The following AVEN variants were observed in gnomAD, a reference collection of about 807,000 sequenced individuals.
The protein encoded by AVEN is cell death regulator Aven.
In AVEN, 41 loss-of-function variants were observed where a neutral mutation model predicts 38.1. That is an observed-to-expected ratio of 1.08 (90% CI 0.84 to 1.40). AVEN has a LOEUF of 1.40. Among genes scored for constraint, AVEN ranks in the 40% most tolerant of loss-of-function variants. AVEN has a pLI of 0.00. For synonymous variants in AVEN, 206 were observed against 171.8 expected, an observed-to-expected ratio of 1.20 and a Z score of -1.56; for missense variants, 605 against 438.8, an observed-to-expected ratio of 1.38 and a Z score of -3.38.
intron 2 of AVEN, among the ~76,000 whole-genome samples, chr15:33,999,927 C>A (rs71462883): frequency 0.15 from 22,982 of 152,208 alleles, 2,166 homozygotes; most frequent in Middle Eastern, 0.28. Flanking sequence ...AACATCTTTA[C>A]AATGGTCTAC....
chr15:33,865,570 T>G (rs553433180), downstream of AVEN: 2 of 212,726 alleles, frequency 9.4e-6, no homozygotes, highest in East Asian at 1.1e-4. Flanking sequence ...ATCTCGAATG[T>G]GTAATACCTG....
downstream of AVEN, among the ~76,000 whole-genome samples, chr15:33,863,881 GCAAGTGATCTTAC>G (rs1889447451): frequency 6.6e-6 from 1 of 152,172 alleles, no homozygotes; most frequent in Non-Finnish European, 1.5e-5. Context: ...ATGCTACCTT[GCAAGTGATCTTAC>G]TTAGTTCAAG....
intron 1 of AVEN, among the ~76,000 whole-genome samples, chr15:34,038,272 T>G (rs1045625447): frequency 2.0e-5 from 3 of 152,152 alleles, no homozygotes; most frequent in South Asian, 2.1e-4. Context: ...ATTCTTTCAC[T>G]CAACAAACTT....
intron 1 of AVEN, among the ~76,000 whole-genome samples, chr15:34,020,470 T>C (rs1340557550): frequency 6.6e-6 from 1 of 152,234 alleles, no homozygotes; most frequent in Non-Finnish European, 1.5e-5. Context: ...TTAAAGCATG[T>C]AGATCATCTG....
At chr15:33,986,357 C>G (rs911919098) in intron 2 of AVEN, among the ~76,000 whole-genome samples, 4 of 151,992 alleles carry the variant, frequency 2.6e-5, no homozygotes, top group African/African-American at 9.7e-5. Flanking sequence ...GATCCACCCA[C>G]CTCGGCCTCC....
At chr15:33,976,599 A>C (rs192873540) in intron 2 of AVEN, among the ~76,000 whole-genome samples, 1 of 152,204 alleles carries the variant, frequency 6.6e-6, no homozygotes, top group South Asian at 2.1e-4. Flanking sequence ...TAAAATTTAT[A>C]TATCTTTATT....
chr15:33,897,858 G>A (rs778074790), intron 2 of AVEN, among the ~76,000 whole-genome samples: 16 of 151,774 alleles, frequency 1.1e-4, no homozygotes, highest in Non-Finnish European at 2.4e-4. Context: ...CTCCAGCCTG[G>A]GTGACAAAGA....
chr15:33,922,389 C>A (rs1213504212), intron 2 of AVEN, among the ~76,000 whole-genome samples: 1 of 152,066 alleles, frequency 6.6e-6, no homozygotes, highest in Non-Finnish European at 1.5e-5. Context: ...TATTAGTAAA[C>A]CTTGATGTAA....
At chr15:34,050,062 A>G (rs1045325485) in intron 5 of AVEN, among the ~76,000 whole-genome samples, 1 of 151,640 alleles carries the variant, frequency 6.6e-6, no homozygotes, top group African/African-American at 2.4e-5. Context: ...TAATTTTTGT[A>G]TTTTTAGTAG....
At chr15:33,893,951 A>ATTTT (rs11463061) in intron 2 of AVEN, among the ~76,000 whole-genome samples, 3,318 of 142,322 alleles carry the variant, frequency 0.023, 78 homozygotes, top group South Asian at 0.052. Context: ...TGATGCCAAG[A>ATTTT]TTTTTTTTTT....
downstream of AVEN, chr15:33,864,224 C>A (rs2303311): frequency 9.4e-4 from 1,444 of 1,535,566 alleles, 17 homozygotes; most frequent in Admixed American, 0.018. Context: ...CGTGTTAGAT[C>A]TCCCTTTCCT....
rs145986949 is a variant in AVEN at position 34,044,509 on chromosome 15, T to C, written n.1637+18413A>G. ...CTTGGGCAACAGTCAAGGGCTTCTGTACCTCCAGATTCTCACATAACTTTG... is the reference window on the plus strand; with the variant it reads ...CTTGGGCAACAGTCAAGGGCTTCTGCACCTCCAGATTCTCACATAACTTTG... On this transcript the variant is annotated intron_variant and non_coding_transcript_variant, in intron 5 of 11. Coordinates refer to the AVEN transcript ENST00000675287. 3.5e-3 allele frequency among the ~76,000 whole-genome samples: 538 copies of C among 152,352 alleles called. 5 individuals are homozygous for C. The highest frequency in any genetic ancestry group is 0.012 in the African/African-American group (503 of 41,580).
intron 2 of AVEN, among the ~76,000 whole-genome samples, chr15:33,948,114 TTGAGATGGAGTC>T (rs1894577142): frequency 1.3e-5 from 2 of 151,494 alleles, no homozygotes; most frequent in Non-Finnish European, 2.9e-5. Flanking sequence ...TTTTTTTTTT[TTGAGATGGAGTC>T]TCGCTCTGTC....
chr15:33,974,167 A>G (rs1186489737), intron 2 of AVEN, among the ~76,000 whole-genome samples: 3 of 152,238 alleles, frequency 2.0e-5, no homozygotes, highest in Non-Finnish European at 2.9e-5. Flanking sequence ...CGATAATCCA[A>G]AAGGATCTAA....
intron 5 of AVEN, among the ~76,000 whole-genome samples, chr15:34,052,900 C>T (rs1464776587): frequency 3.9e-5 from 6 of 152,024 alleles, no homozygotes; most frequent in South Asian, 4.2e-4. Flanking sequence ...GAATGAATAT[C>T]ATGAAAATAG....
intron 2 of AVEN, among the ~76,000 whole-genome samples, chr15:33,980,405 G>T (rs1413332371): frequency 6.6e-6 from 1 of 152,146 alleles, no homozygotes; most frequent in Non-Finnish European, 1.5e-5. Context: ...CATTACTTAC[G>T]CAAGGCTGTT....
chr15:33,937,310 G>A (rs543650683), intron 2 of AVEN, among the ~76,000 whole-genome samples: 13 of 151,562 alleles, frequency 8.6e-5, no homozygotes, highest in African/African-American at 2.7e-4. Flanking sequence ...CGAGGCGGGC[G>A]GATCATGAGG....
chr15:33,986,955 C>T (rs536595787), intron 2 of AVEN, among the ~76,000 whole-genome samples: 1 of 152,320 alleles, frequency 6.6e-6, no homozygotes, highest in African/African-American at 2.4e-5. Flanking sequence ...CCGCGCCCAG[C>T]CCAGGTTCTT....
chr15:33,904,557 G>A (rs1597214677), intron 2 of AVEN, among the ~76,000 whole-genome samples: 1 of 151,974 alleles, frequency 6.6e-6, no homozygotes, highest in Middle Eastern at 3.4e-3. Context: ...GATTACAGGT[G>A]CCCGCCACCA....
Sources: allele counts gnomAD v4.1 joint callset (sites outside exome capture counted in the v4.1 genomes callset), GRCh38; gene constraint gnomAD v4.1.1; transcripts MANE v1.5; gene names NCBI Gene and HGNC (gene_info 2026-07-23, HGNC 2026-07-21).